The following HMCN1 variants were observed in gnomAD, a reference collection of about 807,000 sequenced individuals.
HMCN1 encodes the protein hemicentin 1.
A neutral mutation model predicts 625.9 loss-of-function variants in HMCN1; 321 were observed. The observed-to-expected ratio is 0.51, with a 90% CI of 0.47 to 0.56. HMCN1 has a LOEUF of 0.56. Ranked by LOEUF, HMCN1 falls within the 20% of genes least tolerant of loss-of-function variation. The probability of loss-of-function intolerance (pLI) is 0.00; values close to 1 mark genes in which losing one functional copy is unlikely to be tolerated. For synonymous variants in HMCN1, 2,425 were observed against 2,417.6 expected (o/e 1.00, Z -0.09); for missense variants, 6,588 against 6,887.3 (o/e 0.96, Z 1.54).
intron 1 of HMCN1, among the ~76,000 whole-genome samples, chr1:185,788,002 T>C (rs1459876515): frequency 2.0e-5 from 3 of 152,174 alleles, no homozygotes; most frequent in East Asian, 1.9e-4. Context: ...CAAATACTGA[T>C]ACCCAGGCAG....
intron 49 of HMCN1, 70 bp from the exon 50 acceptor site, chr1:186,067,764 G>A (rs1015611593): frequency 5.7e-6 from 6 of 1,045,898 alleles, no homozygotes; most frequent in Middle Eastern, 2.5e-4. Context: ...TACATATAAT[G>A]GAAATTTAGA....
chr1:185,970,200 T>C lies in HMCN1; in HGVS notation c.2213-135T>C. 7 of 804,648 alleles carry C rather than the reference T, an allele frequency of 8.7e-6. No homozygotes were observed. In the South Asian group the frequency reaches 9.6e-5, roughly 11 times the overall value. The allele number at this position is 804,648 out of a possible 1,614,324, so 49.8% of individuals were successfully genotyped here. ...TCTGAATTTTAGACTGTAGAAAGTG[T>C]CTATGTTGTGCCAAACACTTGTGTT... is the stretch of plus-strand genomic sequence containing the variant. On this transcript the variant is annotated intron_variant, in intron 14 of 106. Transcript: ENST00000271588.
intron 81 of HMCN1, among the ~76,000 whole-genome samples, chr1:186,124,042 TTAATA>T (rs1162439339): frequency 6.6e-6 from 1 of 152,128 alleles, no homozygotes; most frequent in African/African-American, 2.4e-5. Flanking sequence ...CTGCTTTCAG[TTAATA>T]TAATTAAACT....
chr1:185,797,190 G>T (rs1470604678), intron 1 of HMCN1, among the ~76,000 whole-genome samples: 1 of 152,090 alleles, frequency 6.6e-6, no homozygotes, highest in African/African-American at 2.4e-5. Context: ...TGTTAATGGG[G>T]TTGTTTTTTT....
chr1:185,791,584 C>T lies in HMCN1; in HGVS notation c.269-54442C>T, dbSNP rs116652558. Among the ~76,000 whole-genome samples the T allele has an allele frequency of 5.8e-3, 881 of 151,788 alleles. 8 individuals are homozygous for T. The highest frequency in any genetic ancestry group is 0.012 in the African/African-American group (511 of 41,400). The stretch of plus-strand genomic sequence containing the variant: ...AAAATACAAAAAAATTAGCTGGGCA[C>T]GGTGGCAGGCTTCTGTGGTCCCAGC... On this transcript the variant is annotated intron_variant, in intron 1 of 106. Coordinates refer to ENST00000271588, the MANE Select transcript of HMCN1 (RefSeq NM_031935.3).
In HMCN1 at chr1:186,145,823, T is replaced by G; in HGVS notation, c.14508T>G (p.Thr4836=). ...CSASCGGGEK[T]RKRLCDHPVP... Reference sequence around the variant, plus strand: ...CCTCCTGTGGAGGAGGTGAAAAGACTCGGAAGCGGCTGTGCGACCATCCTG... The same window carrying G: ...CCTCCTGTGGAGGAGGTGAAAAGACGCGGAAGCGGCTGTGCGACCATCCTG... Residue 4836 remains threonine, a synonymous_variant, in exon 93 of 107, where the codon ACT becomes ACG. Transcript: ENST00000271588. 6.2e-7 allele frequency: 1 copy of G among 1,614,032 alleles called. No homozygotes were observed. Among genetic ancestry groups the G allele is most frequent in the South Asian group, 1.1e-5 (1 of 91,080 alleles).
chr1:185,950,840 G>T (rs372028734), intron 11 of HMCN1, among the ~76,000 whole-genome samples: 14 of 149,278 alleles, frequency 9.4e-5, no homozygotes, highest in African/African-American at 2.3e-4. Context: ...GAGTATATGG[G>T]TTTGGCACCA....
In HMCN1 at chr1:186,151,743, G is replaced by T. The variant is rs1184521225; in HGVS notation, c.14896G>T (p.Gly4966Ter). 6.2e-7 allele frequency: 1 copy of T among 1,613,288 alleles called. No homozygotes were observed. The highest frequency in any genetic ancestry group is 1.7e-5 in the Admixed American group (1 of 59,984). ...KRETQVEFAT[G>*]EILQMSHIAR... ...AGAAACTCAAGTGGAATTTGCAACT[G>T]GTTAGTGTCAGCTGAATTTAATATT... The change falls in exon 95 of 107, where the codon GGA becomes TGA. Residue 4966 changes from glycine to a stop codon, truncating the protein, a stop_gained and splice_region_variant. Transcript: ENST00000271588. LOFTEE classifies it high-confidence loss of function.
At chr1:185,904,391 C>A (rs1665979774) in intron 4 of HMCN1, among the ~76,000 whole-genome samples, 1 of 151,748 alleles carries the variant, frequency 6.6e-6, no homozygotes, top group African/African-American at 2.4e-5. Context: ...ATATCAAATA[C>A]CATATAGATT....
chr1:186,092,474 T>G (rs1462644234), intron 64 of HMCN1, among the ~76,000 whole-genome samples: 1 of 152,010 alleles, frequency 6.6e-6, no homozygotes, highest in Non-Finnish European at 1.5e-5. Context: ...ATTGTACAAG[T>G]AACTGTAGAT....
At chr1:185,773,981 A>C (rs1656423536) in intron 1 of HMCN1, among the ~76,000 whole-genome samples, 1 of 152,128 alleles carries the variant, frequency 6.6e-6, no homozygotes, top group Non-Finnish European at 1.5e-5. Context: ...AGACTTGTTA[A>C]AAGGATTCAG....
Position 186,089,587 on chromosome 1 carries a change from G to A in HMCN1, c.9727+832G>A, listed in dbSNP as rs539710682. On this transcript the variant is annotated intron_variant, in intron 63 of 106. Transcript: ENST00000271588. ...AAAAACAGCTAGTCAGAGATTCAAC[G>A]TCAGAAGTTGCATATTGAATTATGT... Among the ~76,000 whole-genome samples the A allele has an allele frequency of 3.9e-5, 6 of 152,100 alleles. No homozygotes were observed. The South Asian group carries it at 6.2e-4, about 16-fold the overall frequency.
chr1:185,975,661 T>G (rs1651155338), intron 15 of HMCN1, among the ~76,000 whole-genome samples: 1 of 152,220 alleles, frequency 6.6e-6, no homozygotes, highest in Non-Finnish European at 1.5e-5. Flanking sequence ...ATGTTTAAAA[T>G]ATGTTTATTT....
At chr1:185,919,654 C>T (rs185317693) in intron 6 of HMCN1, among the ~76,000 whole-genome samples, 33 of 152,220 alleles carry the variant, frequency 2.2e-4, no homozygotes, top group Middle Eastern at 3.4e-3. Flanking sequence ...ACCCTCAAAC[C>T]AGCATAATTA....
chr1:185,830,998 C>A (rs1660824470), intron 1 of HMCN1, among the ~76,000 whole-genome samples: 1 of 152,014 alleles, frequency 6.6e-6, no homozygotes, highest in Admixed American at 6.6e-5. Context: ...GGGAATTGAA[C>A]CAAAACTTCA....
intron 64 of HMCN1, among the ~76,000 whole-genome samples, 193 bp downstream of exon 64, chr1:186,091,110 T>A (rs1659818701): frequency 6.6e-6 from 1 of 152,006 alleles, no homozygotes; most frequent in African/African-American, 2.4e-5. Context: ...CACTCAGAAT[T>A]GTGTATGTTT....
intron 34 of HMCN1, among the ~76,000 whole-genome samples, chr1:186,018,937 C>T (rs561921031): frequency 3.3e-4 from 50 of 152,108 alleles, no homozygotes; most frequent in African/African-American, 9.1e-4. Context: ...AGGACTGGAA[C>T]GAGAAACTGG....
rs751686678 is a variant in HMCN1 at position 186,108,538 on chromosome 1, A to C, written c.10930A>C (p.Lys3644Gln). 2 of 1,614,084 alleles carry C rather than the reference A, an allele frequency of 1.2e-6. No individual in the cohort carries two copies. Among genetic ancestry groups the C allele is most frequent in the Non-Finnish European group, 1.7e-6 (2 of 1,179,960 alleles). The part of the protein sequence containing the change: ...LRNRQVTLEC[K>Q]SDAVPPPVIT... ...GAACAGACAAGTGACATTGGAATGCAAGTCAGATGCAGTGCCCCCACCTGT... is the reference window on the plus strand; with the variant it reads ...GAACAGACAAGTGACATTGGAATGCCAGTCAGATGCAGTGCCCCCACCTGT... The change falls in exon 71 of 107, where the codon AAG (lysine) becomes CAG (glutamine). Residue 3644 changes from lysine (K) to glutamine (Q), a missense_variant. Physicochemically the swap from Lys to Gln is moderately conservative, Grantham distance 53. Around this residue, in one of 3 missense-constraint regions of HMCN1, gnomAD observed 4,628 missense variants for 4,853.1 expected, o/e 0.95. Coordinates refer to ENST00000271588, the MANE Select transcript of HMCN1 (RefSeq NM_031935.3).
intron 10 of HMCN1, among the ~76,000 whole-genome samples, chr1:185,931,511 G>A (rs1482688862): frequency 2.6e-5 from 4 of 152,086 alleles, no homozygotes; most frequent in Admixed American, 6.6e-5. Context: ...AATCTCATCC[G>A]CTCATGTATG....
Sources: gnomAD v4.1 joint callset for allele counts (sites outside exome capture counted in the v4.1 genomes callset) on GRCh38, gnomAD v4.1.1 for gene constraint, gnomAD v4.1.1 regional missense constraint, MANE v1.5 for transcripts, NCBI Gene and HGNC (gene_info 2026-07-23, HGNC 2026-07-21) for gene names.